SLC4A4: variants seen among roughly 807,000 people sequenced by gnomAD.
The protein encoded by SLC4A4 is electrogenic sodium bicarbonate cotransporter 1.
SLC4A4 carries 27 observed loss-of-function variants against 111.5 expected under a neutral mutation model. The ratio of observed to expected loss-of-function variants is 0.24; its 90% CI spans 0.18 to 0.33. SLC4A4 has a LOEUF of 0.33. SLC4A4 is among the 10% of genes least tolerant of loss of function. The pLI is 1.00. For synonymous variants in SLC4A4, 443 were observed against 463.4 expected, an observed-to-expected ratio of 0.96 and a Z score of 0.57; for missense variants, 909 against 1,315.5, an observed-to-expected ratio of 0.69 and a Z score of 4.78.
chr4:71,532,107 A>G lies in SLC4A4; in HGVS notation c.2212A>G (p.Ile738Val). 13 of 1,613,304 alleles carry G rather than the reference A, an allele frequency of 8.1e-6. No homozygotes were observed. The highest frequency in any genetic ancestry group is 1.1e-5 in the Non-Finnish European group (13 of 1,179,516). The stretch of plus-strand genomic sequence containing the variant: ...TTTTGCCATTATCTTGTCCATTCTC[A>G]TCTTTTGTGTAATAGATGCCCTAGT... ...SDFAIILSIL[I>V]FCVIDALVGV... Residue 738 changes from isoleucine (I) to valine (V), a missense_variant, in exon 17 of 26, where the codon ATC becomes GTC. By Grantham distance (29) the Ile-to-Val change is conservative. This residue lies in a region of SLC4A4 where 264 missense variants were observed against 356.8 expected (regional missense o/e 0.74). Coordinates refer to ENST00000264485, the MANE Select transcript of SLC4A4 (RefSeq NM_001098484.3).
chr4:71,076,967 G>A (rs775300193), intron 1 of SLC4A4, among the ~76,000 whole-genome samples: 14 of 151,148 alleles, frequency 9.3e-5, no homozygotes, highest in Admixed American at 7.9e-4. Context: ...TCTAGCATGG[G>A]CAAAAGTGAG....
intron 19 of SLC4A4, 122 bp from the exon 20 acceptor site, chr4:71,547,526 A>G: frequency 2.5e-6 from 2 of 804,490 alleles, no homozygotes; most frequent in Non-Finnish European, 4.4e-6. Flanking sequence ...CATGATATCA[A>G]CACCTTTGTT....
In SLC4A4 at chr4:71,447,570, A is replaced by G; in HGVS notation, c.966-76A>G. ...CCTAACCTTTTTATGAACTAAGTTA[A>G]ACATTTCTCAGTTTTATGTATGTTG... On this transcript the variant is annotated intron_variant, in intron 8 of 25. Coordinates refer to ENST00000264485, the MANE Select transcript of SLC4A4 (RefSeq NM_001098484.3). The G allele has an allele frequency of 3.3e-6, 3 of 913,256 alleles. No homozygotes were observed. The East Asian group carries it at 7.5e-5, about 23-fold the overall frequency. The allele number at this position is 913,256 out of a possible 1,614,324, so 56.6% of individuals were successfully genotyped here.
intron 2 of SLC4A4, among the ~76,000 whole-genome samples, chr4:71,157,277 A>G (rs1578534398): frequency 6.6e-6 from 1 of 152,198 alleles, no homozygotes; most frequent in Non-Finnish European, 1.5e-5. Context: ...TAGTGTGTGT[A>G]ATAAAGCCAT....
At chr4:71,415,432 ACTGTGCTAGGAG>A (rs1721747030) in intron 7 of SLC4A4, among the ~76,000 whole-genome samples, 1 of 152,194 alleles carries the variant, frequency 6.6e-6, no homozygotes, top group African/African-American at 2.4e-5. Context: ...TATTTCAGGT[ACTGTGCTAGGAG>A]CTTTTACCTA....
At chr4:71,531,939 A>G in intron 16 of SLC4A4, 123 bp from the exon 17 acceptor site, 1 of 698,872 alleles carries the variant, frequency 1.4e-6, no homozygotes. Flanking sequence ...ACCTCCTTCA[A>G]TTTGTTGATG....
chr4:71,366,315 T>TTGTGTGTGTG (rs71673473), intron 6 of SLC4A4, among the ~76,000 whole-genome samples: 13,703 of 137,786 alleles, frequency 0.099, 843 homozygotes, highest in East Asian at 0.16. Context: ...TCTGGAGATA[T>TTGTGTGTGTG]TGTGTGTGTG....
intron 1 of SLC4A4, among the ~76,000 whole-genome samples, chr4:71,201,771 C>T (rs901495334): frequency 3.9e-5 from 6 of 152,148 alleles, no homozygotes; most frequent in Non-Finnish European, 8.8e-5. Context: ...AGGAAAACAT[C>T]TGACAATATT....
chr4:71,345,766 T>G (rs532817659), intron 4 of SLC4A4, among the ~76,000 whole-genome samples: 1 of 152,254 alleles, frequency 6.6e-6, no homozygotes, highest in East Asian at 1.9e-4. Flanking sequence ...TGGGAAATTC[T>G]ATTTCAGGCC....
intron 8 of SLC4A4, among the ~76,000 whole-genome samples, chr4:71,443,136 A>C (rs1335918341): frequency 1.1e-4 from 15 of 134,544 alleles, no homozygotes; most frequent in East Asian, 4.2e-4. Flanking sequence ...ATATATATAT[A>C]TATATATATA....
chr4:71,088,886 G>A (rs1578467449), intron 1 of SLC4A4, among the ~76,000 whole-genome samples: 1 of 151,874 alleles, frequency 6.6e-6, no homozygotes, highest in Admixed American at 6.6e-5. Context: ...ATGTGGCTTG[G>A]AGTTGCTCTT....
At chr4:71,550,656 G>A (rs764206281) in intron 20 of SLC4A4, among the ~76,000 whole-genome samples, 1 of 151,840 alleles carries the variant, frequency 6.6e-6, no homozygotes, top group Non-Finnish European at 1.5e-5. Context: ...TGGGAAAAGA[G>A]AAATGTGTTA....
intron 3 of SLC4A4, among the ~76,000 whole-genome samples, chr4:71,330,646 G>A (rs893379145): frequency 1.3e-5 from 2 of 152,124 alleles, no homozygotes; most frequent in African/African-American, 2.4e-5. Context: ...AGAAAACCTA[G>A]GCAATACCAT....
chr4:71,443,148 A>ATC (rs1724916216), intron 8 of SLC4A4, among the ~76,000 whole-genome samples: 1 of 131,652 alleles, frequency 7.6e-6, no homozygotes, highest in African/African-American at 2.9e-5. Context: ...ATATATATAT[A>ATC]TATAAATTTT....
intron 14 of SLC4A4, 149 bp downstream of exon 14, chr4:71,473,119 CT>C (rs1418060018): frequency 1.1e-6 from 1 of 870,364 alleles, no homozygotes; most frequent in Non-Finnish European, 1.9e-6. Context: ...AATTTGATGT[CT>C]CATTGCCTGA....
chr4:71,536,461 TATAC>T lies in SLC4A4; in HGVS notation c.2442+2077_2442+2080del, dbSNP rs1424017540. On this transcript the variant is annotated intron_variant, in intron 18 of 25. Transcript: ENST00000264485. ...TTAAGCATATATACATATATACATA[TATAC>T]ATATATATATATATATATATATGTA... Among the ~76,000 whole-genome samples the T allele has an allele frequency of 2.8e-3, 148 of 53,576 alleles. 4 individuals are homozygous for T. In the Middle Eastern group the frequency reaches 0.033, roughly 12 times the overall value. The allele number at this position is 53,576 out of a possible 152,430, so 35.1% of individuals were successfully genotyped here.
intron 14 of SLC4A4, among the ~76,000 whole-genome samples, chr4:71,477,894 T>A (rs1728511447): frequency 6.6e-6 from 1 of 151,674 alleles, no homozygotes; most frequent in South Asian, 2.1e-4. Flanking sequence ...ATATCCAGAA[T>A]CTACAAAAAA....
At chr4:71,259,058 G>C (rs1435900306) in intron 3 of SLC4A4, among the ~76,000 whole-genome samples, 1 of 152,176 alleles carries the variant, frequency 6.6e-6, no homozygotes, top group Non-Finnish European at 1.5e-5. Flanking sequence ...GAGCCCAGGA[G>C]TTTGAAGCTG....
chr4:71,234,052 G>C (rs1336230531), intron 1 of SLC4A4, among the ~76,000 whole-genome samples: 1 of 152,218 alleles, frequency 6.6e-6, no homozygotes, highest in East Asian at 1.9e-4. Context: ...TAGAGCCTTT[G>C]TACTTGCTGT....
Sources: gnomAD v4.1 joint callset for allele counts (sites outside exome capture counted in the v4.1 genomes callset) on GRCh38, gnomAD v4.1.1 for gene constraint, gnomAD v4.1.1 regional missense constraint, MANE v1.5 for transcripts, NCBI Gene and HGNC (gene_info 2026-07-23, HGNC 2026-07-21) for gene names.